Variants in KDM4C observed in about 807,000 individuals in gnomAD.
The protein encoded by KDM4C is lysine demethylase 4C, also known as lysine-specific demethylase 4C.
In KDM4C, 81 loss-of-function variants were observed where a neutral mutation model predicts 129.3. That is an observed-to-expected ratio of 0.63 (90% CI 0.52 to 0.75). KDM4C has a LOEUF of 0.75. KDM4C is among the 30% of genes least tolerant of loss of function. The pLI, the probability that KDM4C is intolerant of heterozygous loss-of-function variation, is 0.00. For synonymous variants in KDM4C, 573 were observed against 456.1 expected, an observed-to-expected ratio of 1.26 and a Z score of -3.26; for missense variants, 1,457 against 1,304.0, an observed-to-expected ratio of 1.12 and a Z score of -1.81.
chr9:7,170,281 A>C (rs145482164), intron 21 of KDM4C: 2 of 1,073,720 alleles, frequency 1.9e-6, no homozygotes, highest in African/African-American at 3.4e-5. Flanking sequence ...ACTCGGCATA[A>C]TTGAATGTCT....
At chr9:7,062,791 T>A (rs1019883779) in intron 17 of KDM4C, among the ~76,000 whole-genome samples, 15 of 152,210 alleles carry the variant, frequency 9.9e-5, no homozygotes, top group Non-Finnish European at 2.1e-4. Flanking sequence ...GTTTTGCCTT[T>A]TAACCCAGAA....
chr9:7,125,188 G>C lies in KDM4C; in HGVS notation c.2611-2878G>C, dbSNP rs368105877. ...TCTCCTACTTTGCACACCATAGCAAGACCTCTTGCATTCCCCACAACAGAA... is the reference window on the plus strand; with the variant it reads ...TCTCCTACTTTGCACACCATAGCAACACCTCTTGCATTCCCCACAACAGAA... On this transcript the variant is annotated intron_variant, in intron 18 of 21. Coordinates refer to ENST00000381309, the MANE Select transcript of KDM4C (RefSeq NM_015061.6). Among the ~76,000 whole-genome samples, 71 of 152,264 alleles carry C rather than the reference G, an allele frequency of 4.7e-4. 1 individual carries two copies. In the East Asian group the frequency reaches 0.013, roughly 27 times the overall value.
At chr9:6,991,139 G>A (rs1163651334) in intron 12 of KDM4C, among the ~76,000 whole-genome samples, 2 of 152,168 alleles carry the variant, frequency 1.3e-5, no homozygotes, top group African/African-American at 4.8e-5. Flanking sequence ...TGCAGTGGAG[G>A]GTGATCACGG....
chr9:6,963,464 G>T (rs1483203243), intron 8 of KDM4C, among the ~76,000 whole-genome samples: 2 of 152,152 alleles, frequency 1.3e-5, no homozygotes, highest in Non-Finnish European at 2.9e-5. Flanking sequence ...CAGTAGTATC[G>T]TGCCGCATAT....
rs761630591 is a variant in KDM4C at position 6,865,731 on chromosome 9, AT to A, written c.630-14272del. Among the ~76,000 whole-genome samples, 582 of 145,714 alleles carry A rather than the reference AT, an allele frequency of 4.0e-3. 3 individuals are homozygous for A. The highest frequency in any genetic ancestry group is 0.038 in the South Asian group (172 of 4,480). ...AGGCATGTGCCACCATGCCTAGCTA[AT>A]TTTTTTTTAATTTATTTTATTTATT... On this transcript the variant is annotated intron_variant, in intron 5 of 21. Transcript: ENST00000381309.
In KDM4C at chr9:7,026,100, T is replaced by C. The variant is rs866759413; in HGVS notation, c.2259+10171T>C. Among the ~76,000 whole-genome samples the C allele has an allele frequency of 2.2e-4, 33 of 151,402 alleles. 1 individual carries two copies. In the Middle Eastern group the frequency reaches 0.034, roughly 157 times the overall value. ...GAGCACCTGTAATCCCAGCTACCTG[T>C]GAGGCTGAGGCAGGAGATCGCTTGA... On this transcript the variant is annotated intron_variant, in intron 15 of 21. Coordinates refer to ENST00000381309, the MANE Select transcript of KDM4C (RefSeq NM_015061.6).
chr9:6,933,933 T>G (rs554157290), intron 8 of KDM4C, among the ~76,000 whole-genome samples: 3 of 152,132 alleles, frequency 2.0e-5, no homozygotes, highest in Admixed American at 1.3e-4. Context: ...CATGACAATC[T>G]CCACCTGCTG....
chr9:6,920,533 A>C lies in KDM4C; in HGVS notation c.921+27301A>C, dbSNP rs1049048414. On this transcript the variant is annotated intron_variant, in intron 8 of 21. Transcript: ENST00000381309. ...AGCCGAGATCGTTCCACTGCACTCC[A>C]GCCTCAGCAACAGAACAAGAAAAAA... Among the ~76,000 whole-genome samples, 3 of 143,206 alleles carry C rather than the reference A, an allele frequency of 2.1e-5. No individual in the cohort carries two copies. The East Asian group carries it at 5.9e-4, about 28-fold the overall frequency. The allele number at this position is 143,206 out of a possible 152,430, so 93.9% of individuals were successfully genotyped here. A position where few individuals can be genotyped will look rare whatever the true frequency, so the allele number is the denominator to read the frequency against.
At chr9:6,976,817 G>A (rs966994175) in intron 8 of KDM4C, among the ~76,000 whole-genome samples, 1 of 8,024 alleles carries the variant, frequency 1.2e-4, no homozygotes, top group Non-Finnish European at 4.3e-4. Flanking sequence ...TATGTTGTTT[G>A]ATTTTTTTTT....
intron 13 of KDM4C, 103 bp downstream of exon 13, chr9:7,011,982 G>T (rs1479548652): frequency 2.2e-6 from 2 of 892,134 alleles, no homozygotes; most frequent in Admixed American, 2.5e-5. Flanking sequence ...TTGCACATAA[G>T]AAGGAAGACG....
At chr9:6,837,079 A>G (rs569066223) in intron 4 of KDM4C, among the ~76,000 whole-genome samples, 2 of 152,198 alleles carry the variant, frequency 1.3e-5, no homozygotes, top group East Asian at 3.9e-4. Context: ...TTTTTTTAAG[A>G]CAGGGTCTTG....
intron 4 of KDM4C, among the ~76,000 whole-genome samples, chr9:6,842,485 C>G (rs1057480768): frequency 5.3e-5 from 8 of 151,774 alleles, no homozygotes; most frequent in Admixed American, 5.3e-4. Context: ...CAGGCCCACA[C>G]CACCACGCCT....
At chr9:7,167,779 A>G (rs1844546722) in intron 20 of KDM4C, among the ~76,000 whole-genome samples, 1 of 152,268 alleles carries the variant, frequency 6.6e-6, no homozygotes, top group South Asian at 2.1e-4. Flanking sequence ...CAGCAAAGCT[A>G]GACCAATGCA....
At chr9:6,879,216 C>A (rs1844062927) in intron 5 of KDM4C, among the ~76,000 whole-genome samples, 1 of 152,100 alleles carries the variant, frequency 6.6e-6, no homozygotes, top group African/African-American at 2.4e-5. Context: ...AATGATTATT[C>A]AAATTTATTG....
intron 8 of KDM4C, among the ~76,000 whole-genome samples, chr9:6,932,013 A>G (rs7031406): frequency 0.57 from 86,244 of 152,058 alleles, 24,976 homozygotes; most frequent in Middle Eastern, 0.64. Context: ...AGTGTCAGTG[A>G]TTCATCAGAG....
intron 1 of KDM4C, among the ~76,000 whole-genome samples, chr9:6,752,491 A>G (rs1185822453): frequency 1.3e-5 from 2 of 148,290 alleles, no homozygotes; most frequent in African/African-American, 5.0e-5. Context: ...GCTTACTGCA[A>G]TCTCCGCCTC....
chr9:7,043,572 G>C (rs1366081530), intron 15 of KDM4C, among the ~76,000 whole-genome samples: 1 of 151,992 alleles, frequency 6.6e-6, no homozygotes. Context: ...ACAAATGAAT[G>C]AATGGACAGG....
At chr9:6,851,047 G>A (rs1173391274) in intron 5 of KDM4C, among the ~76,000 whole-genome samples, 1 of 152,138 alleles carries the variant, frequency 6.6e-6, no homozygotes, top group South Asian at 2.1e-4. Flanking sequence ...GAGCCACCAC[G>A]CCTGGCCAAA....
At chr9:7,150,975 C>T (rs10976070) in intron 19 of KDM4C, among the ~76,000 whole-genome samples, 77,481 of 152,046 alleles carry the variant, frequency 0.51, 20,614 homozygotes, top group Non-Finnish European at 0.58. Flanking sequence ...AACCAAGCAT[C>T]GTGTCCACTT....
Sources: allele counts gnomAD v4.1 joint callset (sites outside exome capture counted in the v4.1 genomes callset), GRCh38; gene constraint gnomAD v4.1.1; transcripts MANE v1.5; gene names NCBI Gene and HGNC (gene_info 2026-07-23, HGNC 2026-07-21).